The following FGF12 variants were observed in gnomAD, a reference collection of about 807,000 sequenced individuals.
The protein encoded by FGF12 is fibroblast growth factor 12, also known as fibroblast growth factor 12B.
FGF12 carries 14 observed loss-of-function variants against 23.6 expected under a neutral mutation model. That is an observed-to-expected ratio of 0.59 (90% CI 0.39 to 0.93). The LOEUF (loss-of-function observed/expected upper bound fraction) is 0.93, where lower values mean the gene tolerates loss of function less well. Among genes scored for constraint, FGF12 ranks in the 40% least tolerant of loss-of-function variants. FGF12 has a pLI of 0.00. For synonymous variants in FGF12, 62 were observed against 77.3 expected, an observed-to-expected ratio of 0.80 and a Z score of 1.04; for missense variants, 175 against 217.8, an observed-to-expected ratio of 0.80 and a Z score of 1.24.
intron 2 of FGF12, among the ~76,000 whole-genome samples, chr3:192,420,215 G>A (rs1026440889): frequency 6.6e-6 from 1 of 152,134 alleles, no homozygotes. Flanking sequence ...GGTGGAAATC[G>A]TGCTATTAGG....
At chr3:192,279,118 C>T (rs1713982421) in intron 4 of FGF12, among the ~76,000 whole-genome samples, 1 of 151,700 alleles carries the variant, frequency 6.6e-6, no homozygotes, top group Non-Finnish European at 1.5e-5. Flanking sequence ...TGAGTTTCAT[C>T]CATGGACATG....
chr3:192,613,113 T>C (rs1714613587), intron 2 of FGF12, among the ~76,000 whole-genome samples: 1 of 151,960 alleles, frequency 6.6e-6, no homozygotes, highest in Admixed American at 6.6e-5. Flanking sequence ...TTTTGTTTTA[T>C]TTTGTTTTAC....
At chr3:192,362,468 A>G (rs1718777572) in intron 2 of FGF12, among the ~76,000 whole-genome samples, 1 of 150,554 alleles carries the variant, frequency 6.6e-6, no homozygotes, top group Non-Finnish European at 1.5e-5. Context: ...ATTCCCACCT[A>G]TGAGTGAGAA....
At chr3:192,493,519 T>C (rs952163979) in intron 2 of FGF12, among the ~76,000 whole-genome samples, 6 of 152,182 alleles carry the variant, frequency 3.9e-5, no homozygotes, top group African/African-American at 1.4e-4. Flanking sequence ...GGACTTGCAC[T>C]TCTATAAAGA....
rs773570110 is a variant in FGF12 at position 192,512,835 on chromosome 3, A to AATATATATATATATATATAT, written c.14-152317_14-152298dup. Among the ~76,000 whole-genome samples, 33 of 76,748 alleles carry AATATATATATATATATATAT rather than the reference A, an allele frequency of 4.3e-4. 1 individual carries two copies. The highest frequency in any genetic ancestry group is 2.0e-3 in the African/African-American group (31 of 15,672). The allele number at this position is 76,748 out of a possible 152,430, so 50.3% of individuals were successfully genotyped here. A position where few individuals can be genotyped will look rare whatever the true frequency, so the allele number is the denominator to read the frequency against. On this transcript the variant is annotated intron_variant, in intron 2 of 5. Transcript: ENST00000445105. ...GTTAAACCTAGAGTATACTCAAATAAATATATATATATATATATATATATA... is the reference window on the plus strand; with the variant it reads ...GTTAAACCTAGAGTATACTCAAATAAATATATATATATATATATATATATATATATATATATATATATATA...
At chr3:192,211,511 C>T (rs942239583) in intron 4 of FGF12, among the ~76,000 whole-genome samples, 3 of 141,452 alleles carry the variant, frequency 2.1e-5, no homozygotes, top group Non-Finnish European at 4.7e-5. Flanking sequence ...CTGCAAGCTC[C>T]GCCTCCCAGG....
intron 2 of FGF12, among the ~76,000 whole-genome samples, chr3:192,712,848 G>T (rs1718740023): frequency 6.6e-6 from 1 of 151,956 alleles, no homozygotes; most frequent in South Asian, 2.1e-4. Context: ...ATTTTCTAGG[G>T]TGATGGAAAA....
chr3:192,373,600 C>T (rs1719342299), intron 2 of FGF12, among the ~76,000 whole-genome samples: 2 of 152,170 alleles, frequency 1.3e-5, no homozygotes, highest in East Asian at 1.9e-4. Context: ...CAAAAGAGCA[C>T]TGAAAATATT....
chr3:192,646,473 G>A (rs1356537092), intron 2 of FGF12, among the ~76,000 whole-genome samples: 1 of 152,042 alleles, frequency 6.6e-6, no homozygotes, highest in Non-Finnish European at 1.5e-5. Context: ...TGAAACTAAA[G>A]AACTCATGGA....
intron 4 of FGF12, among the ~76,000 whole-genome samples, chr3:192,196,233 G>A (rs1260324585): frequency 6.6e-6 from 1 of 152,004 alleles, no homozygotes; most frequent in Non-Finnish European, 1.5e-5. Flanking sequence ...CAAGATAATG[G>A]AATCAACCCA....
intron 2 of FGF12, among the ~76,000 whole-genome samples, chr3:192,460,257 T>C (rs982934023): frequency 6.6e-6 from 1 of 152,186 alleles, no homozygotes; most frequent in Non-Finnish European, 1.5e-5. Flanking sequence ...TTCTTCCTTT[T>C]CCAAAAGACT....
intron 4 of FGF12, among the ~76,000 whole-genome samples, chr3:192,233,502 T>C (rs1300715481): frequency 1.3e-5 from 2 of 152,188 alleles, no homozygotes; most frequent in East Asian, 3.8e-4. Context: ...GTAGGTTGTG[T>C]TTATGCTGTT....
intron 2 of FGF12, among the ~76,000 whole-genome samples, chr3:192,387,718 A>ATAT (rs140636487): frequency 6.1e-5 from 9 of 147,562 alleles, no homozygotes; most frequent in East Asian, 2.0e-4. Context: ...ACACACACAC[A>ATAT]ATATATATAT....
intron 2 of FGF12, among the ~76,000 whole-genome samples, chr3:192,497,403 A>G (rs1723990145): frequency 6.6e-6 from 1 of 152,318 alleles, no homozygotes; most frequent in Non-Finnish European, 1.5e-5. Context: ...ATAGCCTACT[A>G]AATGGTCTCC....
chr3:192,471,771 T>C (rs1270811737), intron 2 of FGF12, among the ~76,000 whole-genome samples: 1 of 152,246 alleles, frequency 6.6e-6, no homozygotes, highest in Non-Finnish European at 1.5e-5. Flanking sequence ...TTTGCATGTA[T>C]TGAGGACCGA....
At chr3:192,490,262 C>T (rs1392681956) in intron 2 of FGF12, among the ~76,000 whole-genome samples, 3 of 151,990 alleles carry the variant, frequency 2.0e-5, no homozygotes, top group East Asian at 1.9e-4. Context: ...CTCTGTGGTT[C>T]GCTGCAGGAT....
chr3:192,280,698 G>A lies in FGF12; in HGVS notation c.228+54663C>T, dbSNP rs923851344. Reference sequence around the variant, plus strand: ...AAATGAGGAAACTGAGGCAGAAAGAGTAACTTGCCAAAGTTAATCAGTTAG... The same window carrying A: ...AAATGAGGAAACTGAGGCAGAAAGAATAACTTGCCAAAGTTAATCAGTTAG... On this transcript the variant is annotated intron_variant, in intron 4 of 5. Coordinates refer to ENST00000445105, the MANE Select transcript of FGF12 (RefSeq NM_004113.6). 3.9e-5 allele frequency among the ~76,000 whole-genome samples: 6 copies of A among 152,116 alleles called. No individual in the cohort carries two copies. In the East Asian group the frequency reaches 9.6e-4, roughly 24 times the overall value.
At chr3:192,244,829 T>C (rs1719800708) in intron 4 of FGF12, 1 of 152,182 alleles carries the variant, frequency 6.6e-6, no homozygotes, top group African/African-American at 2.4e-5. Flanking sequence ...ACACAACAGA[T>C]GAAGCTATTA....
intron 2 of FGF12, among the ~76,000 whole-genome samples, chr3:192,383,529 A>T (rs970321369): frequency 7.3e-6 from 1 of 136,614 alleles, no homozygotes; most frequent in African/African-American, 2.7e-5. Flanking sequence ...TAAAAAAAAA[A>T]AAATCTGATT....
Sources: gnomAD v4.1 joint callset for allele counts (sites outside exome capture counted in the v4.1 genomes callset) on GRCh38, gnomAD v4.1.1 for gene constraint, MANE v1.5 for transcripts, NCBI Gene and HGNC (gene_info 2026-07-23, HGNC 2026-07-21) for gene names.